The following ACACB variants were observed in gnomAD, a reference collection of about 807,000 sequenced individuals.
ACACB encodes the protein acetyl-CoA carboxylase 2.
ACACB carries 209 observed loss-of-function variants against 278.8 expected under a neutral mutation model. The observed-to-expected ratio is 0.75, with a 90% CI of 0.67 to 0.84. The LOEUF is 0.84. Ranked by LOEUF, ACACB falls within the 40% of genes least tolerant of loss-of-function variation. The pLI is 0.00. For missense variants in ACACB, 2,850 were observed against 3,269.0 expected (o/e 0.87, Z 3.13); for synonymous variants, 1,174 against 1,285.6 (o/e 0.91, Z 1.86).
rs148052616 is a variant in ACACB, at chr12:109,259,096, G to A, written c.6484G>A (p.Gly2162Ser). Residue 2162 changes from glycine (G) to serine (S), a missense_variant, in exon 47 of 53, where the codon GGT becomes AGT. Around this residue, in one of 3 missense-constraint regions of ACACB, gnomAD observed 579 missense variants for 684.6 expected, o/e 0.85. Transcript: ENST00000338432. ...MIFANWRGFS[G>S]GMKDMYDQVL... is the part of the protein sequence containing the mutation. ...CTTTGCCAACTGGAGGGGGTTCTCC[G>A]GTGGCATGAAAGGTAAGCCCCTCCC... The A allele has an allele frequency of 3.5e-5, 57 of 1,614,042 alleles. No individual in the cohort carries two copies. In the African/African-American group the frequency reaches 6.1e-4, roughly 17 times the overall value.
In ACACB at chr12:109,187,431, TTTTATTTATTTA is replaced by T. The variant is rs59491550; in HGVS notation, c.1981-532_1981-521del. 6.0e-3 allele frequency among the ~76,000 whole-genome samples: 876 copies of T among 146,262 alleles called. 6 individuals carry two copies. Among genetic ancestry groups the T allele is most frequent in the Middle Eastern group, 0.035 (10 of 288 alleles). ...TACCATCTCTGTCCCAACTCGCTTA[TTTTATTTATTTA>T]TTTATTTATTTATTTATTTATTTAT... On this transcript the variant is annotated intron_variant, in intron 12 of 52. Transcript: ENST00000338432.
chr12:109,213,022 C>T (rs1246247208), intron 22 of ACACB, 86 bp downstream of exon 22: 1 of 1,198,120 alleles, frequency 8.3e-7, no homozygotes. Flanking sequence ...GGGCTGTCTT[C>T]AGGGCAGGCT....
intron 11 of ACACB, among the ~76,000 whole-genome samples, chr12:109,180,331 G>T (rs2044424079): frequency 6.6e-6 from 1 of 152,164 alleles, no homozygotes; most frequent in Non-Finnish European, 1.5e-5. Context: ...ATCACTCCCT[G>T]CAAGGATCCT....
At position 109,185,516 on chromosome 12, in the gene ACACB, T is replaced by C. The variant is rs972893185; in HGVS notation, c.1819-63T>C. Reference sequence around the variant, plus strand: ...CCTCCGTTGCATCTACCACTGTGCCTGGTGTTTTGGGGCCGTGTTCTGGTA... The same window carrying C: ...CCTCCGTTGCATCTACCACTGTGCCCGGTGTTTTGGGGCCGTGTTCTGGTA... On this transcript the variant is annotated intron_variant, in intron 11 of 52. Transcript: ENST00000338432. 1.9e-6 allele frequency: 3 copies of C among 1,579,310 alleles called. No individual in the cohort carries two copies. The Admixed American group carries it at 5.0e-5, about 26-fold the overall frequency.
intron 1 of ACACB, among the ~76,000 whole-genome samples, chr12:109,137,733 G>A (rs1325160125): frequency 1.3e-5 from 2 of 151,808 alleles, no homozygotes; most frequent in Non-Finnish European, 2.9e-5. Flanking sequence ...AATGCTTCTA[G>A]TATATAATTG....
chr12:109,164,786 C>T (rs1245818733), intron 2 of ACACB, among the ~76,000 whole-genome samples: 3 of 146,796 alleles, frequency 2.0e-5, no homozygotes, highest in Admixed American at 1.4e-4. Context: ...GGTGCAATCT[C>T]GGCTCACTGC....
intron 1 of ACACB, among the ~76,000 whole-genome samples, chr12:109,127,506 G>C (rs1231872488): frequency 2.0e-5 from 3 of 151,974 alleles, no homozygotes; most frequent in African/African-American, 7.3e-5. Context: ...GGCTGAGGTA[G>C]GAGGATGGCT....
In ACACB at chr12:109,206,769, A is replaced by G; in HGVS notation, c.2973A>G (p.Lys991=). The G allele has an allele frequency of 6.2e-7, 1 of 1,614,110 alleles. No homozygotes were observed. Among genetic ancestry groups the G allele is most frequent in the South Asian group, 1.1e-5 (1 of 91,068 alleles). ...AGACACTGCCCATCCTCGGAGAGAA[A>G]CTGCACCAGGTCTTCCACAGCGTCC... ...AQQTLPILGE[K]LHQVFHSVLE... is the part of the protein sequence containing the mutation. The change falls in exon 20 of 53, where the codon AAA becomes AAG. Residue 991 remains lysine, a synonymous_variant. Transcript: ENST00000338432.
At chr12:109,236,573 A>G (rs1333988753) in intron 33 of ACACB, among the ~76,000 whole-genome samples, 3 of 152,162 alleles carry the variant, frequency 2.0e-5, no homozygotes, top group African/African-American at 7.2e-5. Flanking sequence ...CCATCAGCCT[A>G]AAACATTTAC....
intron 35 of ACACB, among the ~76,000 whole-genome samples, chr12:109,240,620 TA>T (rs1374809896): frequency 6.7e-6 from 1 of 148,508 alleles, no homozygotes. Flanking sequence ...TATATATTAT[TA>T]AAAATAATTA....
intron 31 of ACACB, 128 bp from the exon 32 acceptor site, chr12:109,235,185 T>A (rs2046598943): frequency 1.1e-5 from 8 of 757,004 alleles, no homozygotes; most frequent in Non-Finnish European, 1.8e-5. Flanking sequence ...TCACAGGAGG[T>A]CTCTTATGAT....
At chr12:109,248,039 T>G (rs1434569809) in intron 40 of ACACB, among the ~76,000 whole-genome samples, 1 of 152,150 alleles carries the variant, frequency 6.6e-6, no homozygotes, top group Non-Finnish European at 1.5e-5. Flanking sequence ...AAGGTATGGG[T>G]GGGGCAGAGA....
chr12:109,162,572 G>C (rs1021668398), intron 2 of ACACB, among the ~76,000 whole-genome samples: 1 of 152,234 alleles, frequency 6.6e-6, no homozygotes, highest in African/African-American at 2.4e-5. Flanking sequence ...ACATATAGAG[G>C]GTCTTGGGAG....
chr12:109,210,348 CAT>C (rs1210847553), intron 21 of ACACB, among the ~76,000 whole-genome samples: 5 of 91,954 alleles, frequency 5.4e-5, no homozygotes, highest in Admixed American at 1.1e-4. Flanking sequence ...CACGCACACA[CAT>C]ATCTGTGTAT....
chr12:109,153,450 T>A (rs1469252810), intron 2 of ACACB, among the ~76,000 whole-genome samples: 1 of 152,096 alleles, frequency 6.6e-6, no homozygotes, highest in Non-Finnish European at 1.5e-5. Flanking sequence ...AAAGGCAGAT[T>A]AGTTGGAGAA....
At chr12:109,172,406 A>G in intron 6 of ACACB, 50 bp downstream of exon 6, 11 of 1,558,586 alleles carry the variant, frequency 7.1e-6, no homozygotes, top group Non-Finnish European at 9.7e-6. Context: ...TTGCTGGGAC[A>G]CTCTGCTGGG....
At chr12:109,198,322 G>A (rs2045212801) in intron 17 of ACACB, among the ~76,000 whole-genome samples, 1 of 152,204 alleles carries the variant, frequency 6.6e-6, no homozygotes, top group African/African-American at 2.4e-5. Flanking sequence ...CATATCCACT[G>A]ATTGATTTTT....
rs748481689 is a variant in ACACB at position 109,197,111 on chromosome 12, A to G, written c.2585A>G (p.Asn862Ser). ...GATGGGGGGCTCCTGCTCTCCTACA[A>G]TGGGAACAGCTACACCACCTACATG... is the stretch of plus-strand genomic sequence containing the variant. Reference protein sequence around the residue: ...LNDGGLLLSYNGNSYTTYMKE... With the variant: ...LNDGGLLLSYSGNSYTTYMKE... The change falls in exon 17 of 53, where the codon AAT becomes AGT. Residue 862 changes from asparagine (N) to serine (S), a missense_variant. Physicochemically the swap from Asn to Ser is conservative, Grantham distance 46 (BLOSUM62 1). Transcript: ENST00000338432. The G allele has an allele frequency of 1.9e-6, 3 of 1,603,700 alleles. No homozygotes were observed. The highest frequency in any genetic ancestry group is 1.1e-5 in the South Asian group (1 of 89,152).
At chr12:109,160,798 G>A (rs764428102) in intron 2 of ACACB, among the ~76,000 whole-genome samples, 10 of 152,176 alleles carry the variant, frequency 6.6e-5, no homozygotes, top group African/African-American at 1.4e-4. Context: ...TTGTGTGTTC[G>A]CTTGCCTAGC....
Sources: gnomAD v4.1 joint callset for allele counts (sites outside exome capture counted in the v4.1 genomes callset) on GRCh38, gnomAD v4.1.1 for gene constraint, gnomAD v4.1.1 regional missense constraint, MANE v1.5 for transcripts, NCBI Gene and HGNC (gene_info 2026-07-23, HGNC 2026-07-21) for gene names.